Variants in ASIC2 observed in about 807,000 individuals in gnomAD.
ASIC2 encodes acid sensing ion channel subunit 2.
In ASIC2, 25 loss-of-function variants were observed where a neutral mutation model predicts 57.3. The ratio of observed to expected loss-of-function variants is 0.44; its 90% CI spans 0.32 to 0.61. ASIC2 has a LOEUF of 0.61. Among genes scored for constraint, ASIC2 ranks in the 20% least tolerant of loss-of-function variants. The pLI, the probability that ASIC2 is intolerant of heterozygous loss-of-function variation, is 0.06. For synonymous variants in ASIC2, 319 were observed against 307.5 expected (o/e 1.04, Z -0.39); for missense variants, 641 against 738.1 (o/e 0.87, Z 1.52).
At chr17:33,425,505 A>G (rs1192339325) in intron 1 of ASIC2, among the ~76,000 whole-genome samples, 1 of 152,180 alleles carries the variant, frequency 6.6e-6, no homozygotes, top group Non-Finnish European at 1.5e-5. Context: ...TTCAAGGATC[A>G]TTGGGGAGGT....
chr17:33,222,411 G>C (rs1481759999), intron 1 of ASIC2, among the ~76,000 whole-genome samples: 2 of 152,152 alleles, frequency 1.3e-5, no homozygotes, highest in African/African-American at 4.8e-5. Context: ...TGAATACTTA[G>C]GGCTGTGGAG....
intron 1 of ASIC2, among the ~76,000 whole-genome samples, chr17:33,410,586 A>G (rs540816660): frequency 3.3e-5 from 5 of 152,084 alleles, no homozygotes; most frequent in Non-Finnish European, 5.9e-5. Flanking sequence ...AGCCCATCCC[A>G]TCAGATCAGG....
chr17:33,798,757 C>T (rs1485427872), intron 1 of ASIC2, among the ~76,000 whole-genome samples: 1 of 152,152 alleles, frequency 6.6e-6, no homozygotes, highest in East Asian at 1.9e-4. Context: ...TCAATTTAGG[C>T]AGCATTTCCA....
At chr17:33,307,276 C>CCTT (rs112981249) in intron 1 of ASIC2, among the ~76,000 whole-genome samples, 39,847 of 147,480 alleles carry the variant, frequency 0.27, 5,674 homozygotes, top group South Asian at 0.4. Context: ...TCCTCCTCTT[C>CCTT]CTTCTTCTTC....
rs76288159 is a variant in ASIC2 at position 33,206,473 on chromosome 17, G to A, written c.708+84935C>T. ...TGGAGGCACTGGGATTTGAACCAAG[G>A]TCAACCCAAGGTCAAGCCAAGCCCA... On this transcript the variant is annotated intron_variant, in intron 1 of 9. Transcript: ENST00000225823. Among the ~76,000 whole-genome samples, 92 of 152,266 alleles carry A rather than the reference G, an allele frequency of 6.0e-4. No homozygotes were observed. In the East Asian group the frequency reaches 0.015, roughly 25 times the overall value.
intron 1 of ASIC2, among the ~76,000 whole-genome samples, chr17:33,942,747 T>C (rs997946704): frequency 6.6e-6 from 1 of 152,196 alleles, no homozygotes; most frequent in Non-Finnish European, 1.5e-5. Flanking sequence ...AGACATGGTT[T>C]AAGTTGAACA....
intron 1 of ASIC2, among the ~76,000 whole-genome samples, chr17:33,248,565 C>T (rs1267843498): frequency 2.0e-5 from 3 of 152,186 alleles, no homozygotes; most frequent in African/African-American, 7.2e-5. Context: ...GTTCTAGAGG[C>T]CACAGATCCA....
intron 1 of ASIC2, among the ~76,000 whole-genome samples, chr17:34,055,979 C>T (rs543075057): frequency 5.9e-5 from 9 of 152,204 alleles, no homozygotes; most frequent in Admixed American, 5.9e-4. Flanking sequence ...GAGGCTATTA[C>T]AGTAGTTGAG....
At position 33,292,178 on chromosome 17, in the gene ASIC2, T is replaced by G. The variant is rs1249475008; in HGVS notation, c.-63A>C. The G allele has an allele frequency of 9.9e-7, 1 of 1,012,902 alleles. No individual in the cohort carries two copies. The highest frequency in any genetic ancestry group is 1.2e-6 in the Non-Finnish European group (1 of 850,674). The allele number at this position is 1,012,902 out of a possible 1,614,324, so 62.7% of individuals were successfully genotyped here. A position where few individuals can be genotyped will look rare whatever the true frequency, so the allele number is the denominator to read the frequency against. ...CGGCCGGGCGGAGCCGCCATGGGAG[T>G]CCGCAGCAGCAGTGGAAGCAGCAGC... On this transcript the variant is annotated 5_prime_UTR_variant, in exon 1 of 10. Transcript: ENST00000225823.
At chr17:33,676,543 T>C (rs1351365313) in intron 1 of ASIC2, among the ~76,000 whole-genome samples, 3 of 152,242 alleles carry the variant, frequency 2.0e-5, no homozygotes, top group African/African-American at 7.2e-5. Flanking sequence ...ATGCCCAACA[T>C]TCTCTTAAAC....
At chr17:33,781,641 T>C (rs1844737) in intron 1 of ASIC2, among the ~76,000 whole-genome samples, 124,534 of 152,094 alleles carry the variant, frequency 0.82, 51,369 homozygotes, top group Non-Finnish European at 0.85. Context: ...CTGCTCCACA[T>C]AGAATTAAAG....
At chr17:34,116,981 G>C (rs1911444361) in intron 1 of ASIC2, among the ~76,000 whole-genome samples, 1 of 152,006 alleles carries the variant, frequency 6.6e-6, no homozygotes, top group Admixed American at 6.6e-5. Context: ...GTAGCATGTA[G>C]TATGTGTGTG....
intron 1 of ASIC2, among the ~76,000 whole-genome samples, chr17:33,777,609 G>T (rs1293994090): frequency 2.0e-5 from 3 of 152,156 alleles, no homozygotes; most frequent in African/African-American, 7.2e-5. Context: ...GCACAGAGAG[G>T]TTTGACAAAT....
At chr17:33,108,138 G>A in intron 2 of ASIC2, among the ~76,000 whole-genome samples, 1 of 152,184 alleles carries the variant, frequency 6.6e-6, no homozygotes, top group East Asian at 1.9e-4. Flanking sequence ...GGAAACAGAG[G>A]CTCACTCACT....
intron 1 of ASIC2, among the ~76,000 whole-genome samples, chr17:33,968,005 C>T (rs1005472487): frequency 6.6e-6 from 1 of 152,170 alleles, no homozygotes; most frequent in Non-Finnish European, 1.5e-5. Flanking sequence ...GCTATTATTA[C>T]CCCCATTTTA....
At position 33,443,406 on chromosome 17, in the gene ASIC2, A is replaced by T. The variant is rs201875598; in HGVS notation, c.556-331339T>A. Among the ~76,000 whole-genome samples the T allele has an allele frequency of 4.0e-3, 300 of 75,300 alleles. 6 individuals are homozygous for T. In the East Asian group the frequency reaches 0.055, roughly 14 times the overall value. The allele number at this position is 75,300 out of a possible 152,430, so 49.4% of individuals were successfully genotyped here. On this transcript the variant is annotated intron_variant, in intron 1 of 9. Transcript: ENST00000359872. ...TTTTTTATGTATGGTGGAGGGTAAG[A>T]TTTTTTTTTTTTTTTTTTTTTTTTT... is the stretch of plus-strand genomic sequence containing the variant.
At chr17:33,824,669 C>G (rs1912851490) in intron 1 of ASIC2, among the ~76,000 whole-genome samples, 1 of 152,136 alleles carries the variant, frequency 6.6e-6, no homozygotes, top group Non-Finnish European at 1.5e-5. Flanking sequence ...TCCCACGTCC[C>G]CATGTGTTGT....
chr17:34,048,332 C>A (rs1445489896), intron 1 of ASIC2, among the ~76,000 whole-genome samples: 3 of 152,138 alleles, frequency 2.0e-5, no homozygotes, highest in African/African-American at 7.2e-5. Context: ...CAAAACTTAC[C>A]AACTTCTTGT....
At chr17:33,110,674 G>A (rs2092254219) in intron 2 of ASIC2, among the ~76,000 whole-genome samples, 2 of 152,208 alleles carry the variant, frequency 1.3e-5, no homozygotes, top group African/African-American at 4.8e-5. Flanking sequence ...TTTGCAGTCA[G>A]TCCTCCTGGG....
Sources: gnomAD v4.1 joint callset for allele counts (sites outside exome capture counted in the v4.1 genomes callset) on GRCh38, gnomAD v4.1.1 for gene constraint, MANE v1.5 for transcripts, NCBI Gene and HGNC (gene_info 2026-07-23, HGNC 2026-07-21) for gene names.